RHOV: variants seen among roughly 807,000 people sequenced by gnomAD.
RHOV encodes the protein ras homolog family member V.
Under a neutral mutation model 20.2 loss-of-function variants are expected in RHOV, and 6 were observed. The observed-to-expected ratio is 0.30, with a 90% CI of 0.16 to 0.59. RHOV has a LOEUF of 0.59. Ranked by LOEUF, RHOV falls within the 20% of genes least tolerant of loss-of-function variation. RHOV has a pLI of 0.89. For missense variants in RHOV, 275 were observed against 319.4 expected, an observed-to-expected ratio of 0.86 and a Z score of 1.06; for synonymous variants, 136 against 142.3, an observed-to-expected ratio of 0.96 and a Z score of 0.31.
At position 40,872,340 on chromosome 15, in the gene RHOV, C is replaced by T. The variant is rs1346913021; in HGVS notation, c.*718G>A. On this transcript the variant is annotated 3_prime_UTR_variant, in exon 3 of 3. Transcript: ENST00000220507. ...GTTCTAATTTGCAGCTCCTCCCCCTCCTTTTGCTGGGCCTTGACTCTCACT... is the reference window on the plus strand; with the variant it reads ...GTTCTAATTTGCAGCTCCTCCCCCTTCTTTTGCTGGGCCTTGACTCTCACT... 6.5e-6 allele frequency: 1 copy of T among 152,824 alleles called. No individual in the cohort carries two copies. The highest frequency in any genetic ancestry group is 2.4e-5 in the African/African-American group (1 of 41,488). The allele number at this position is 152,824 out of a possible 1,614,324, so 9.5% of individuals were successfully genotyped here.
chr15:40,873,622 G>C, intron 2 of RHOV, 62 bp downstream of exon 2: 2 of 1,588,180 alleles, frequency 1.3e-6, no homozygotes, highest in Non-Finnish European at 1.7e-6. Context: ...CTCCATATGG[G>C]GTCCTCCCAG....
intron 2 of RHOV, 72 bp from the exon 3 acceptor site, chr15:40,873,573 A>G: frequency 5.0e-6 from 8 of 1,588,642 alleles, no homozygotes; most frequent in Non-Finnish European, 6.9e-6. Context: ...CCGGGGCTGG[A>G]AACCTGAGAC....
Position 40,873,920 on chromosome 15 carries a change from G to C in RHOV, c.208+12C>G. ...CAGCCACGCGGCCGCACGGGCGATT[G>C]AACGTACGTACCAGAGAAGGTGTCC... On this transcript the variant is annotated intron_variant, in intron 1 of 2. Coordinates refer to ENST00000220507, the MANE Select transcript of RHOV (RefSeq NM_133639.4). 1 of 1,604,180 alleles carries C rather than the reference G, an allele frequency of 6.2e-7. No homozygotes were observed. The highest frequency in any genetic ancestry group is 8.5e-7 in the Non-Finnish European group (1 of 1,174,964).
chr15:40,873,567 G>T, intron 2 of RHOV, 66 bp from the exon 3 acceptor site: 1 of 1,589,512 alleles, frequency 6.3e-7, no homozygotes. Context: ...TCTCACCCGG[G>T]GCTGGAAACC....
chr15:40,872,482 T>C lies in RHOV; in HGVS notation c.*576A>G, dbSNP rs1313046775. On this transcript the variant is annotated 3_prime_UTR_variant, in exon 3 of 3. Transcript: ENST00000220507. Reference sequence around the variant, plus strand: ...CCTTGGGGATTGAGGGCAGCCCAGGTGTCAGCCTGCTCCTCATCCACCCCA... The same window carrying C: ...CCTTGGGGATTGAGGGCAGCCCAGGCGTCAGCCTGCTCCTCATCCACCCCA... 2 of 152,972 alleles carry C rather than the reference T, an allele frequency of 1.3e-5. No individual in the cohort carries two copies. The highest frequency in any genetic ancestry group is 2.9e-5 in the Non-Finnish European group (2 of 68,694). The allele number at this position is 152,972 out of a possible 1,614,324, so 9.5% of individuals were successfully genotyped here. A position where few individuals can be genotyped will look rare whatever the true frequency, so the allele number is the denominator to read the frequency against.
chr15:40,873,891 G>A (rs770887406), intron 1 of RHOV, 41 bp downstream of exon 1: 12 of 1,574,126 alleles, frequency 7.6e-6, no homozygotes, highest in Non-Finnish European at 1.0e-5. Context: ...GCACAGCCCC[G>A]CCGCAGCCAC....
Position 40,873,362 on chromosome 15 carries a change from G to A in RHOV, c.407C>T (p.Ala136Val), listed in dbSNP as rs771062342. Residue 136 changes from alanine to valine, a missense_variant, in exon 3 of 3, where the codon GCG becomes GTG. Ala to Val is a moderately conservative substitution (Grantham distance 64, BLOSUM62 0). Transcript: ENST00000220507. ...CTGGGTGCCCACCAGCAGCACAGGC[G>A]CCTGGGGGTTGTGCGTGCGGATCTC... Reference protein sequence around the residue: ...LPEIRTHNPQAPVLLVGTQAD... With the variant: ...LPEIRTHNPQVPVLLVGTQAD... 1 of 1,613,218 alleles carries A rather than the reference G, an allele frequency of 6.2e-7. No individual in the cohort carries two copies. The highest frequency in any genetic ancestry group is 1.1e-5 in the South Asian group (1 of 91,070).
chr15:40,873,509 G>A lies in RHOV; in HGVS notation c.268-8C>T, dbSNP rs745819783. On this transcript the variant is annotated splice_polypyrimidine_tract_variant and splice_region_variant and intron_variant, in intron 2 of 2. Coordinates refer to ENST00000220507, the MANE Select transcript of RHOV (RefSeq NM_133639.4). ...AAGTCGGTCAAAATCCTCCTGGGGT[G>A]GGAAGGCCAGGTGGTAAGGATTAGC... The A allele has an allele frequency of 6.3e-7, 1 of 1,592,012 alleles. No individual in the cohort carries two copies. The highest frequency in any genetic ancestry group is 8.6e-7 in the Non-Finnish European group (1 of 1,168,872).
chr15:40,874,047 G>GC lies in RHOV; in HGVS notation c.92dup (p.Ile32HisfsTer51). ...CGTCGCCCACCAGCACGCACTTGAT[G>GC]CCCAGCTCTGGGGGCGCGCTACGCC... On this transcript the variant is annotated frameshift_variant, in exon 1 of 3. Transcript: ENST00000220507. LOFTEE classifies it high-confidence loss of function. The GC allele has an allele frequency of 6.3e-7, 1 of 1,587,994 alleles. No individual in the cohort carries two copies. The highest frequency in any genetic ancestry group is 2.3e-5 in the East Asian group (1 of 42,556).
Position 40,873,666 on chromosome 15 carries a change from C to A in RHOV, c.267+18G>T. On this transcript the variant is annotated intron_variant, in intron 2 of 2. Transcript: ENST00000220507. ...CCATCTCCCCGCAGACCAGTAGAGG[C>A]CGCGCCCAGCTTCTCACCTGTCCCG... 1 of 1,613,722 alleles carries A rather than the reference C, an allele frequency of 6.2e-7. No individual in the cohort carries two copies. Among genetic ancestry groups the A allele is most frequent in the Non-Finnish European group, 8.5e-7 (1 of 1,179,712 alleles).
chr15:40,873,843 G>A (rs1891922760), intron 1 of RHOV, 89 bp downstream of exon 1: 1 of 1,535,052 alleles, frequency 6.5e-7, no homozygotes, highest in East Asian at 2.3e-5. Context: ...GGGGTCCTCT[G>A]CGCCCTCCCG....
At position 40,873,566 on chromosome 15, in the gene RHOV, G is replaced by C. The variant is rs1033769769; in HGVS notation, c.268-65C>G. On this transcript the variant is annotated intron_variant, in intron 2 of 2. Transcript: ENST00000220507. Reference sequence around the variant, plus strand: ...ACACATGGAATCCATTTCTCACCCGGGGCTGGAAACCTGAGACTCCAAGAG... The same window carrying C: ...ACACATGGAATCCATTTCTCACCCGCGGCTGGAAACCTGAGACTCCAAGAG... The C allele has an allele frequency of 3.0e-5, 47 of 1,590,710 alleles. No homozygotes were observed. The Admixed American group carries it at 4.0e-4, about 14-fold the overall frequency.
rs570907147 is a variant in RHOV, at chr15:40,874,162, G to A, written c.-23C>T. The A allele has an allele frequency of 1.0e-4, 118 of 1,169,484 alleles. 1 individual carries two copies. The East Asian group carries it at 3.5e-3, about 35-fold the overall frequency. The allele number at this position is 1,169,484 out of a possible 1,614,324, so 72.4% of individuals were successfully genotyped here. A position where few individuals can be genotyped will look rare whatever the true frequency, so the allele number is the denominator to read the frequency against. ...CATGGCCCGCTCCGGGGGCAGCAGA[G>A]GGGCCAGCCCGGGTCTCGGCTTCGC... On this transcript the variant is annotated 5_prime_UTR_variant, in exon 1 of 3. Transcript: ENST00000220507.
chr15:40,873,599 C>T lies in RHOV; in HGVS notation c.267+85G>A, dbSNP rs556817611. 236 of 1,586,470 alleles carry T rather than the reference C, an allele frequency of 1.5e-4. No homozygotes were observed. The African/African-American group carries it at 2.8e-3, about 19-fold the overall frequency. ...AACCTGAGACTCCAAGAGCCCAAGGCTTTCTCCATTTGCTCCATATGGGGT... is the reference window on the plus strand; with the variant it reads ...AACCTGAGACTCCAAGAGCCCAAGGTTTTCTCCATTTGCTCCATATGGGGT... On this transcript the variant is annotated intron_variant, in intron 2 of 2. Transcript: ENST00000220507.
chr15:40,874,038 G>T lies in RHOV; in HGVS notation c.102C>A (p.Cys34Ter). The change falls in exon 1 of 3, where the codon TGC becomes TGA. Residue 34 changes from cysteine (C) to a stop codon, truncating the protein, a stop_gained. Transcript: ENST00000220507. LOFTEE classifies it high-confidence loss of function. ...RSAPPELGIKCVLVGDGAVGK... is the reference protein window; with the variant it reads ...RSAPPELGIK ...CCACGGCGCCGTCGCCCACCAGCAC[G>T]CACTTGATGCCCAGCTCTGGGGGCG... is the stretch of plus-strand genomic sequence containing the variant. 6.3e-7 allele frequency: 1 copy of T among 1,597,388 alleles called. No individual in the cohort carries two copies. Among genetic ancestry groups the T allele is most frequent in the Non-Finnish European group, 8.5e-7 (1 of 1,173,710 alleles).
Position 40,872,839 on chromosome 15 carries a change from G to C in RHOV, c.*219C>G, listed in dbSNP as rs768845596. On this transcript the variant is annotated 3_prime_UTR_variant, in exon 3 of 3. Transcript: ENST00000220507. ...CAAAGTGCCAGGTTTTTTTCTGTGA[G>C]CTTTGACTGGAGAAATCCAAATCAG... 65 of 536,466 alleles carry C rather than the reference G, an allele frequency of 1.2e-4. No individual in the cohort carries two copies. The highest frequency in any genetic ancestry group is 2.1e-4 in the Non-Finnish European group (63 of 303,904). The allele number at this position is 536,466 out of a possible 1,614,324, so 33.2% of individuals were successfully genotyped here. A position where few individuals can be genotyped will look rare whatever the true frequency, so the allele number is the denominator to read the frequency against.
rs1891904384 is a variant in RHOV at position 40,872,919 on chromosome 15, T to C, written c.*139A>G. On this transcript the variant is annotated 3_prime_UTR_variant, in exon 3 of 3. Transcript: ENST00000220507. Reference sequence around the variant, plus strand: ...ATCAGAGTGGGCAGTTAGAGGCCCATGTCCCCCGAGTGTTCAGAAGGGAAC... The same window carrying C: ...ATCAGAGTGGGCAGTTAGAGGCCCACGTCCCCCGAGTGTTCAGAAGGGAAC... 1.5e-6 allele frequency: 1 copy of C among 647,462 alleles called. No individual in the cohort carries two copies. Among genetic ancestry groups the C allele is most frequent in the Non-Finnish European group, 2.7e-6 (1 of 366,686 alleles). 40.1% of individuals were successfully genotyped at this position (647,462 alleles called of 1,614,324 possible). A position where few individuals can be genotyped will look rare whatever the true frequency, so the allele number is the denominator to read the frequency against.
chr15:40,872,896 C>CA lies in RHOV; in HGVS notation c.*161dup. The CA allele has an allele frequency of 1.2e-5, 7 of 608,484 alleles. 2 individuals carry two copies. In the South Asian group the frequency reaches 1.4e-4, roughly 12 times the overall value. The allele number at this position is 608,484 out of a possible 1,614,324, so 37.7% of individuals were successfully genotyped here. A position where few individuals can be genotyped will look rare whatever the true frequency, so the allele number is the denominator to read the frequency against. On this transcript the variant is annotated 3_prime_UTR_variant, in exon 3 of 3. Transcript: ENST00000220507. Reference sequence around the variant, plus strand: ...CCCTCCTAGGCTCACCCAGGCATATCAGAGTGGGCAGTTAGAGGCCCATGT... The same window carrying CA: ...CCCTCCTAGGCTCACCCAGGCATATCAAGAGTGGGCAGTTAGAGGCCCATGT...
In RHOV at chr15:40,873,489, G is replaced by C; in HGVS notation, c.280C>G (p.Arg94Gly). 6.3e-7 allele frequency: 1 copy of C among 1,594,730 alleles called. No homozygotes were observed. Among genetic ancestry groups the C allele is most frequent in the East Asian group, 2.2e-5 (1 of 44,676 alleles). The change falls in exon 3 of 3, where the codon CGA becomes GGA. Residue 94 changes from arginine to glycine, a missense_variant. By Grantham distance (125) the Arg-to-Gly change is moderately radical (BLOSUM62 -2). Transcript: ENST00000220507. ...TCCGGGTAGCAAAGGGAACGAAGTC[G>C]GTCAAAATCCTCCTGGGGTGGGAAG... ...WDTAGQEDFD[R>G]LRSLCYPDTD...
Sources: gnomAD v4.1 joint callset for allele counts on GRCh38, gnomAD v4.1.1 for gene constraint, MANE v1.5 for transcripts, NCBI Gene and HGNC (gene_info 2026-07-23, HGNC 2026-07-21) for gene names.